The following SLC16A7 variants were observed in gnomAD, a reference collection of about 807,000 sequenced individuals.
The protein encoded by SLC16A7 is solute carrier family 16 member 7.
A neutral mutation model predicts 34.9 loss-of-function variants in SLC16A7; 33 were observed. That is an observed-to-expected ratio of 0.94 (90% CI 0.72 to 1.26). The LOEUF is 1.26. Among genes scored for constraint, SLC16A7 ranks in the 50% most tolerant of loss-of-function variants. The pLI is 0.00. For missense variants in SLC16A7, 573 were observed against 578.1 expected, an observed-to-expected ratio of 0.99 and a Z score of 0.09; for synonymous variants, 201 against 206.6, an observed-to-expected ratio of 0.97 and a Z score of 0.23.
Position 59,609,144 on chromosome 12 carries a change from G to T in SLC16A7, c.-130+12908G>T, listed in dbSNP as rs371923998. On this transcript the variant is annotated intron_variant, in intron 1 of 5. Transcript: ENST00000547379. Reference sequence around the variant, plus strand: ...CCGAGTGAGTTCCCGGTATCCCTATGTGGTACAGATGCTTATATAACCTAC... The same window carrying T: ...CCGAGTGAGTTCCCGGTATCCCTATTTGGTACAGATGCTTATATAACCTAC... Among the ~76,000 whole-genome samples the T allele has an allele frequency of 4.6e-4, 70 of 152,336 alleles. 6 individuals carry two copies. In the South Asian group the frequency reaches 7.2e-3, roughly 16 times the overall value.
chr12:59,651,437 G>C (rs1485161893), intron 1 of SLC16A7, among the ~76,000 whole-genome samples: 1 of 152,038 alleles, frequency 6.6e-6, no homozygotes. Context: ...TTATTAAGGA[G>C]TACCATAGAA....
chr12:59,687,278 ATTTT>A (rs909878602), intron 2 of SLC16A7, among the ~76,000 whole-genome samples: 1 of 151,712 alleles, frequency 6.6e-6, no homozygotes, highest in African/African-American at 2.4e-5. Flanking sequence ...CCCTTTTCCT[ATTTT>A]TGTCCCTGCT....
At position 59,773,873 on chromosome 12, in the gene SLC16A7, T is replaced by C. The variant is rs536621502; in HGVS notation, c.362-784T>C. On this transcript the variant is annotated intron_variant, in intron 4 of 5. Transcript: ENST00000547379. ...CCACCACTCCCGGCCTAAATCAATG[T>C]ACTTTTTAAAGGATCTTATTTATTA... is the stretch of plus-strand genomic sequence containing the variant. 2.0e-5 allele frequency among the ~76,000 whole-genome samples: 3 copies of C among 152,322 alleles called. No homozygotes were observed. In the East Asian group the frequency reaches 5.8e-4, roughly 29 times the overall value.
intron 3 of SLC16A7, among the ~76,000 whole-genome samples, chr12:59,709,971 C>T (rs940766580): frequency 1.3e-5 from 2 of 151,594 alleles, no homozygotes; most frequent in Admixed American, 6.6e-5. Flanking sequence ...CCTTTCTCTA[C>T]AGTTATATAG....
In SLC16A7 at chr12:59,695,312, G is replaced by A. The variant is rs187358368; in HGVS notation, c.-30-9460G>A. Reference sequence around the variant, plus strand: ...AGGTTTTCTACCTTTGGATGAGCTGGTTACTTGTGGTGGGATGGAGCTGCT... The same window carrying A: ...AGGTTTTCTACCTTTGGATGAGCTGATTACTTGTGGTGGGATGGAGCTGCT... On this transcript the variant is annotated intron_variant, in intron 2 of 5. Coordinates refer to ENST00000547379, the MANE Select transcript of SLC16A7 (RefSeq NM_001270623.2). 1.7e-3 allele frequency among the ~76,000 whole-genome samples: 262 copies of A among 151,964 alleles called. 2 individuals carry two copies. The highest frequency in any genetic ancestry group is 6.2e-3 in the African/African-American group (256 of 41,480).
chr12:59,646,791 A>G (rs1048321447), intron 1 of SLC16A7, among the ~76,000 whole-genome samples: 10 of 152,182 alleles, frequency 6.6e-5, no homozygotes, highest in African/African-American at 2.4e-4. Context: ...ACAGGGGCAG[A>G]GCTGTTTAAG....
chr12:59,612,854 A>G (rs1879263518), intron 1 of SLC16A7, among the ~76,000 whole-genome samples: 1 of 152,174 alleles, frequency 6.6e-6, no homozygotes, highest in Non-Finnish European at 1.5e-5. Context: ...TTCATTGTAC[A>G]TATTACTATC....
At chr12:59,671,674 C>T (rs201937478) in intron 2 of SLC16A7, among the ~76,000 whole-genome samples, 2 of 139,122 alleles carry the variant, frequency 1.4e-5, no homozygotes, top group Admixed American at 1.5e-4. Flanking sequence ...CTCTCTCTCT[C>T]TCTCTATATA....
At chr12:59,620,973 A>G (rs955749821) in intron 1 of SLC16A7, among the ~76,000 whole-genome samples, 8 of 151,904 alleles carry the variant, frequency 5.3e-5, no homozygotes, top group African/African-American at 1.7e-4. Flanking sequence ...AAGCCCAAAT[A>G]CAATCTTTTT....
chr12:59,604,008 A>G (rs1878817105), intron 1 of SLC16A7, among the ~76,000 whole-genome samples: 1 of 152,234 alleles, frequency 6.6e-6, no homozygotes, highest in Non-Finnish European at 1.5e-5. Context: ...CAATGTGGTG[A>G]CAGCTCACAT....
intron 3 of SLC16A7, among the ~76,000 whole-genome samples, chr12:59,754,607 A>G (rs1167373389): frequency 1.3e-5 from 2 of 152,224 alleles, no homozygotes; most frequent in Non-Finnish European, 2.9e-5. Flanking sequence ...AAATTGTGGC[A>G]ATAATCAATA....
chr12:59,707,603 T>G (rs1390947964), intron 3 of SLC16A7, among the ~76,000 whole-genome samples: 1 of 152,122 alleles, frequency 6.6e-6, no homozygotes, highest in Non-Finnish European at 1.5e-5. Flanking sequence ...TTAAAATAGT[T>G]ATAAATTTGG....
chr12:59,601,881 C>T (rs749312493), intron 1 of SLC16A7, among the ~76,000 whole-genome samples: 17 of 152,172 alleles, frequency 1.1e-4, no homozygotes, highest in African/African-American at 2.2e-4. Flanking sequence ...CCCAAAGTCC[C>T]CATGTCTTAA....
chr12:59,748,048 C>T (rs775942099), intron 3 of SLC16A7, among the ~76,000 whole-genome samples: 1 of 151,950 alleles, frequency 6.6e-6, no homozygotes, highest in Admixed American at 6.6e-5. Context: ...ACTAAAAATA[C>T]AAAAATTAGC....
At chr12:59,735,713 G>A (rs1401107384) in intron 3 of SLC16A7, among the ~76,000 whole-genome samples, 2 of 152,008 alleles carry the variant, frequency 1.3e-5, no homozygotes, top group South Asian at 2.1e-4. Context: ...TGCTGCTTTT[G>A]CATTATATTA....
At chr12:59,671,798 T>A (rs1316638498) in intron 2 of SLC16A7, among the ~76,000 whole-genome samples, 1 of 142,488 alleles carries the variant, frequency 7.0e-6, no homozygotes, top group African/African-American at 2.6e-5. Flanking sequence ...TATGTATATA[T>A]GTATATATGT....
In SLC16A7 at chr12:59,603,139, G is replaced by T. The variant is rs553075614; in HGVS notation, c.-130+6903G>T. On this transcript the variant is annotated intron_variant, in intron 1 of 5. Coordinates refer to ENST00000547379, the MANE Select transcript of SLC16A7 (RefSeq NM_001270623.2). Reference sequence around the variant, plus strand: ...TTTAATTATTTATTTCTATTCTGTTGTTGCCAGAAGTTTCAGGTGCTTTTG... The same window carrying T: ...TTTAATTATTTATTTCTATTCTGTTTTTGCCAGAAGTTTCAGGTGCTTTTG... 2.0e-5 allele frequency among the ~76,000 whole-genome samples: 3 copies of T among 152,166 alleles called. No individual in the cohort carries two copies. The South Asian group carries it at 6.2e-4, about 32-fold the overall frequency.
chr12:59,652,654 A>G (rs1252429289), intron 1 of SLC16A7, among the ~76,000 whole-genome samples: 1 of 151,866 alleles, frequency 6.6e-6, no homozygotes, highest in Non-Finnish European at 1.5e-5. Context: ...CCAAAGGCCT[A>G]GAGATTCCTT....
At chr12:59,759,779 A>G (rs544236709) in intron 3 of SLC16A7, among the ~76,000 whole-genome samples, 1 of 152,152 alleles carries the variant, frequency 6.6e-6, no homozygotes, top group South Asian at 2.1e-4. Context: ...TGTTTAGGAT[A>G]ACTTATGCAA....
Sources: allele counts gnomAD v4.1 joint callset (sites outside exome capture counted in the v4.1 genomes callset), GRCh38; gene constraint gnomAD v4.1.1; transcripts MANE v1.5; gene names NCBI Gene and HGNC (gene_info 2026-07-23, HGNC 2026-07-21).